SPRY4: variants seen among roughly 807,000 people sequenced by gnomAD.
The protein encoded by SPRY4 is protein sprouty homolog 4.
In SPRY4, 7 loss-of-function variants were observed where a neutral mutation model predicts 17.0. The ratio of observed to expected loss-of-function variants is 0.41; its 90% CI spans 0.23 to 0.77. The LOEUF (loss-of-function observed/expected upper bound fraction) is 0.77, where lower values mean the gene tolerates loss of function less well. SPRY4 is among the 30% of genes least tolerant of loss of function. The pLI is 0.32. For missense variants in SPRY4, 435 were observed against 419.9 expected (o/e 1.04, Z -0.31); for synonymous variants, 183 against 174.1 (o/e 1.05, Z -0.40).
intron 1 of SPRY4, among the ~76,000 whole-genome samples, chr5:142,318,457 G>A (rs1425188099): frequency 1.3e-5 from 2 of 151,476 alleles, no homozygotes; most frequent in African/African-American, 4.9e-5. Flanking sequence ...CTGCACTCTA[G>A]CCTGAGTGAC....
At chr5:142,319,406 G>A (rs1036724670) in intron 1 of SPRY4, among the ~76,000 whole-genome samples, 3 of 152,278 alleles carry the variant, frequency 2.0e-5, no homozygotes, top group African/African-American at 4.8e-5. Context: ...GCCATCCCCC[G>A]TCTTAAAAGT....
At position 142,319,693 on chromosome 5, in the gene SPRY4, G is replaced by C. The variant is rs538912604; in HGVS notation, c.-47-4538C>G. On this transcript the variant is annotated intron_variant, in intron 1 of 1. Transcript: ENST00000434127. ...CGCGCAACACTGTATTTGCTGCTTGGCGGGTCTGGGAGCCCAGAACCAGCC... is the reference window on the plus strand; with the variant it reads ...CGCGCAACACTGTATTTGCTGCTTGCCGGGTCTGGGAGCCCAGAACCAGCC... The C allele has an allele frequency of 1.9e-6, 3 of 1,594,478 alleles. No homozygotes were observed. In the South Asian group the frequency reaches 3.4e-5, roughly 18 times the overall value.
intron 1 of SPRY4, among the ~76,000 whole-genome samples, chr5:142,320,656 G>A (rs1759316177): frequency 6.6e-6 from 1 of 152,180 alleles, no homozygotes; most frequent in African/African-American, 2.4e-5. Flanking sequence ...GGAGTCAGAA[G>A]GAGCCTGTTA....
rs1759081406 is a variant in SPRY4 at position 142,314,780 on chromosome 5, C to T, written c.329G>A (p.Arg110Gln). 3 of 1,600,372 alleles carry T rather than the reference C, an allele frequency of 1.9e-6. No individual in the cohort carries two copies. The highest frequency in any genetic ancestry group is 3.3e-4 in the Middle Eastern group (2 of 6,002). Residue 110 changes from arginine to glutamine, a missense_variant, in exon 2 of 2, where the codon CGG (arginine) becomes CAG (glutamine). Coordinates refer to ENST00000434127, the MANE Select transcript of SPRY4 (RefSeq NM_001127496.3). The surrounding 1 kb of genome is among the most constrained non-coding windows in gnomAD (Gnocchi z 4.8). ...SSSSSTSSDQ[R>Q]LLDHMAPPPV... ...TGGTGGTGCCATGTGGTCTAAGAGC[C>T]GTTGGTCAGAGGATGTGCTGCTGCT...
intron 1 of SPRY4, chr5:142,316,960 T>G: frequency 2.0e-6 from 2 of 982,120 alleles, no homozygotes; most frequent in South Asian, 4.7e-5. Flanking sequence ...TTTCCTGTCT[T>G]GGAGAAAGCC....
intron 1 of SPRY4, among the ~76,000 whole-genome samples, chr5:142,322,236 G>A (rs1266692405): frequency 6.6e-6 from 1 of 152,112 alleles, no homozygotes; most frequent in African/African-American, 2.4e-5. Flanking sequence ...CCCAGGGGAG[G>A]CAGAGGCCGG....
At chr5:142,317,348 A>C in intron 1 of SPRY4, 1 of 985,460 alleles carries the variant, frequency 1.0e-6, no homozygotes, top group South Asian at 4.7e-5. Flanking sequence ...CGCTGCCTGG[A>C]GGAAAGGGTG....
rs1442650819 is a variant in SPRY4 at position 142,319,062 on chromosome 5, C to G, written c.-47-3907G>C. 2.0e-5 allele frequency among the ~76,000 whole-genome samples: 3 copies of G among 152,216 alleles called. 1 individual carries two copies. Among genetic ancestry groups the G allele is most frequent in the South Asian group, 4.1e-4 (2 of 4,828 alleles). On this transcript the variant is annotated intron_variant, in intron 1 of 1. Transcript: ENST00000434127. ...CAAGTGACCAGAGCAGGATTTGAACCAAGACAGCAGAGGCTTCAGAGGCTG... is the reference window on the plus strand; with the variant it reads ...CAAGTGACCAGAGCAGGATTTGAACGAAGACAGCAGAGGCTTCAGAGGCTG...
chr5:142,323,206 C>T (rs1455899831), intron 1 of SPRY4, among the ~76,000 whole-genome samples: 1 of 152,198 alleles, frequency 6.6e-6, no homozygotes, highest in African/African-American at 2.4e-5. Flanking sequence ...TTCCCAACTT[C>T]TCTGAGCCTT....
At chr5:142,322,426 G>A (rs185180145) in intron 1 of SPRY4, among the ~76,000 whole-genome samples, 2 of 150,208 alleles carry the variant, frequency 1.3e-5, no homozygotes, top group African/African-American at 2.4e-5. Flanking sequence ...AGCCAAGATC[G>A]CGCAACTGCA....
intron 1 of SPRY4, among the ~76,000 whole-genome samples, chr5:142,316,305 T>C (rs987205589): frequency 1.3e-5 from 2 of 152,090 alleles, no homozygotes; most frequent in African/African-American, 4.8e-5. Context: ...GAGCGGAAAC[T>C]GCTTGGTTCA....
At position 142,314,565 on chromosome 5, in the gene SPRY4, A is replaced by C. The variant is rs765830106; in HGVS notation, c.544T>G (p.Cys182Gly). Residue 182 changes from cysteine to glycine, a missense_variant, in exon 2 of 2, where the codon TGC (cysteine) becomes GGC (glycine). Cys to Gly is a radical substitution (Grantham distance 159). Transcript: ENST00000434127. This position sits in a 1 kb window ranked among gnomAD's most constrained non-coding sequence, Gnocchi z 4.8. ...GCTGAGCACAGGCACTCCTGGTTGCAGACCCAGCAGGAAGGCAACGTCCGG... is the reference window on the plus strand; with the variant it reads ...GCTGAGCACAGGCACTCCTGGTTGCCGACCCAGCAGGAAGGCAACGTCCGG... Reference protein sequence around the residue: ...SPRTLPSCWVCNQECLCSAQT... With the variant: ...SPRTLPSCWVGNQECLCSAQT... 1.5e-5 allele frequency: 25 copies of C among 1,614,152 alleles called. No homozygotes were observed. The highest frequency in any genetic ancestry group is 1.9e-5 in the Non-Finnish European group (23 of 1,180,048).
At chr5:142,320,729 A>G (rs1012259862) in intron 1 of SPRY4, among the ~76,000 whole-genome samples, 6 of 151,800 alleles carry the variant, frequency 4.0e-5, no homozygotes, top group African/African-American at 1.5e-4. Context: ...AGAACCCTAG[A>G]CTCCTAGGGC....
At chr5:142,315,784 C>T (rs2126990736) in intron 1 of SPRY4, 1 of 152,350 alleles carries the variant, frequency 6.6e-6, no homozygotes, top group South Asian at 2.1e-4. Context: ...TATTACCTGG[C>T]ACGCAGCAAC....
chr5:142,319,801 A>G, intron 1 of SPRY4: 1 of 1,607,948 alleles, frequency 6.2e-7, no homozygotes, highest in South Asian at 1.1e-5. Flanking sequence ...CTGGCTGAAA[A>G]GAATCAAGAG....
At chr5:142,322,707 C>T (rs1759387024) in intron 1 of SPRY4, among the ~76,000 whole-genome samples, 1 of 152,090 alleles carries the variant, frequency 6.6e-6, no homozygotes, top group Admixed American at 6.6e-5. Flanking sequence ...GGAGTGACTC[C>T]TGATAACCAA....
intron 1 of SPRY4, chr5:142,315,884 T>C (rs7443175): frequency 0.66 from 100,866 of 152,150 alleles, 35,979 homozygotes; most frequent in East Asian, 0.92. Context: ...CTGGGGACAA[T>C]GTGGTGAACT....
chr5:142,316,879 T>C (rs1182215836), intron 1 of SPRY4, among the ~76,000 whole-genome samples: 1 of 152,230 alleles, frequency 6.6e-6, no homozygotes, highest in Non-Finnish European at 1.5e-5. Context: ...ACGCAGGGCA[T>C]CAACTATTGG....
At chr5:142,316,590 T>C (rs1198682607) in intron 1 of SPRY4, among the ~76,000 whole-genome samples, 1 of 152,136 alleles carries the variant, frequency 6.6e-6, no homozygotes, top group African/African-American at 2.4e-5. Flanking sequence ...ATTAATGTAT[T>C]ATGGGGTGGG....
Sources: gnomAD v4.1 joint callset for allele counts (sites outside exome capture counted in the v4.1 genomes callset) on GRCh38, gnomAD v4.1.1 for gene constraint, Gnocchi (gnomAD v3.1) non-coding constraint, MANE v1.5 for transcripts, NCBI Gene and HGNC (gene_info 2026-07-23, HGNC 2026-07-21) for gene names.